PAFAH1B2: variants seen among roughly 807,000 people sequenced by gnomAD.
The protein encoded by PAFAH1B2 is platelet-activating factor acetylhydrolase IB subunit alpha2.
A neutral mutation model predicts 28.0 loss-of-function variants in PAFAH1B2; 8 were observed. That is an observed-to-expected ratio of 0.29 (90% CI 0.17 to 0.52). PAFAH1B2 has a LOEUF of 0.52. PAFAH1B2 is among the 20% of genes least tolerant of loss of function. PAFAH1B2 has a pLI of 0.97. For missense variants in PAFAH1B2, 190 were observed against 282.6 expected (o/e 0.67, Z 2.35); for synonymous variants, 104 against 103.2 (o/e 1.01, Z -0.05).
rs1371704869 is a variant in PAFAH1B2, at chr11:117,170,623, G to GT, written c.*2927dup. On this transcript the variant is annotated 3_prime_UTR_variant, in exon 6 of 6. Coordinates refer to ENST00000527958, the MANE Select transcript of PAFAH1B2 (RefSeq NM_002572.4). ...TGCCCGGCTCTTAGGAATTTTGTCTGTTTAAAAAAAAAAAAAAAAAAAAAG... is the reference window on the plus strand; with the variant it reads ...TGCCCGGCTCTTAGGAATTTTGTCTGTTTTAAAAAAAAAAAAAAAAAAAAAG... The GT allele has an allele frequency of 5.4e-6, 4 of 734,662 alleles. No homozygotes were observed. The highest frequency in any genetic ancestry group is 1.7e-4 in the East Asian group (2 of 11,838). The allele number at this position is 734,662 out of a possible 1,614,324, so 45.5% of individuals were successfully genotyped here. A position where few individuals can be genotyped will look rare whatever the true frequency, so the allele number is the denominator to read the frequency against.
Position 117,170,992 on chromosome 11 carries a change from G to A in PAFAH1B2, c.*3293G>A, listed in dbSNP as rs1413304575. 4 of 1,046,888 alleles carry A rather than the reference G, an allele frequency of 3.8e-6. No individual in the cohort carries two copies. Among genetic ancestry groups the A allele is most frequent in the South Asian group, 9.2e-5 (2 of 21,836 alleles). 64.8% of individuals were successfully genotyped at this position (1,046,888 alleles called of 1,614,324 possible). ...TTTGGCAAAGTTTCATTGACTAGTA[G>A]AACTCATTCTGTTTTAGTGTATATT... is the stretch of plus-strand genomic sequence containing the variant. On this transcript the variant is annotated 3_prime_UTR_variant, in exon 6 of 6. Coordinates refer to ENST00000527958, the MANE Select transcript of PAFAH1B2 (RefSeq NM_002572.4).
At chr11:117,163,706 G>C in intron 4 of PAFAH1B2, 64 bp from the exon 5 acceptor site, 1 of 1,393,306 alleles carries the variant, frequency 7.2e-7, no homozygotes, top group African/African-American at 1.5e-5. Context: ...TCATCTAAAT[G>C]TTGGACGTTC....
downstream of PAFAH1B2, among the ~76,000 whole-genome samples, chr11:117,172,849 G>C (rs574530613): frequency 2.0e-5 from 3 of 152,120 alleles, no homozygotes; most frequent in African/African-American, 2.4e-5. Flanking sequence ...AATTACAGGC[G>C]TGTACCACCA....
At chr11:117,172,384 ATATATATATATATATATATATTTTTTTTT>A (rs1956683341), downstream of PAFAH1B2, among the ~76,000 whole-genome samples, 13 of 1,962 alleles carry the variant, frequency 6.6e-3, no homozygotes, top group South Asian at 0.016. Flanking sequence ...ATATATATAT[ATATATATATATATATATATATTTTTTTTT>A]TTTTTTTTTT....
At position 117,163,863 on chromosome 11, in the gene PAFAH1B2, A is replaced by G; in HGVS notation, c.382A>G (p.Arg128Gly). 4 of 1,613,978 alleles carry G rather than the reference A, an allele frequency of 2.5e-6. No individual in the cohort carries two copies. Among genetic ancestry groups the G allele is most frequent in the Non-Finnish European group, 3.4e-6 (4 of 1,179,902 alleles). Residue 128 changes from arginine to glycine, a missense_variant, in exon 5 of 6, where the codon AGG becomes GGG. Physicochemically the swap from Arg to Gly is moderately radical, Grantham distance 125. Transcript: ENST00000527958. Reference sequence around the variant, plus strand: ...GGCCATTGTACAACTTATCAACACAAGGCAGCCACAGGCCAAAATCATTGT... The same window carrying G: ...GGCCATTGTACAACTTATCAACACAGGGCAGCCACAGGCCAAAATCATTGT... ...IEAIVQLINT[R>G]QPQAKIIVLG...
At chr11:117,172,387 TATATA>T, downstream of PAFAH1B2, among the ~76,000 whole-genome samples, 1 of 2,178 alleles carries the variant, frequency 4.6e-4, no homozygotes, top group Non-Finnish European at 9.5e-4. Flanking sequence ...TATATATATA[TATATA>T]TATATATATA....
At position 117,170,658 on chromosome 11, in the gene PAFAH1B2, CT is replaced by C; in HGVS notation, c.*2962del. The C allele has an allele frequency of 1.1e-6, 1 of 919,914 alleles. No individual in the cohort carries two copies. 57.0% of individuals were successfully genotyped at this position (919,914 alleles called of 1,614,324 possible). ...AAAAAAAAAAAAAAAGTCCAACTTA[CT>C]TTATTTTATTTTTTTAACCTAGTCA... On this transcript the variant is annotated 3_prime_UTR_variant, in exon 6 of 6. Coordinates refer to ENST00000527958, the MANE Select transcript of PAFAH1B2 (RefSeq NM_002572.4).
rs1956608328 is a variant in PAFAH1B2, at chr11:117,169,838, G to T, written c.*2139G>T. 1 of 1,055,196 alleles carries T rather than the reference G, an allele frequency of 9.5e-7. No individual in the cohort carries two copies. 65.4% of individuals were successfully genotyped at this position (1,055,196 alleles called of 1,614,324 possible). On this transcript the variant is annotated 3_prime_UTR_variant, in exon 6 of 6. Transcript: ENST00000527958. ...TTTCTATCCACGTCTTTTTCTGTTT[G>T]TCAGAAGGTGGGAGTATGGTCCAAA...
At chr11:117,158,541 G>A (rs993060415) in intron 2 of PAFAH1B2, among the ~76,000 whole-genome samples, 4 of 151,574 alleles carry the variant, frequency 2.6e-5, no homozygotes, top group African/African-American at 9.7e-5. Context: ...GATCATAGTT[G>A]AGAAAATGAT....
Position 117,163,167 on chromosome 11 carries a change from G to A in PAFAH1B2, c.289-603G>A, listed in dbSNP as rs572143542. ...TGATATATGATAGGAGGCATAAATCGATGCATTAAGATTTCTGCCCTGGCT... is the reference window on the plus strand; with the variant it reads ...TGATATATGATAGGAGGCATAAATCAATGCATTAAGATTTCTGCCCTGGCT... On this transcript the variant is annotated intron_variant, in intron 4 of 5. Transcript: ENST00000527958. Among the ~76,000 whole-genome samples the A allele has an allele frequency of 6.2e-5, 8 of 128,224 alleles. No individual in the cohort carries two copies. In the South Asian group the frequency reaches 1.7e-3, roughly 27 times the overall value. The allele number at this position is 128,224 out of a possible 152,430, so 84.1% of individuals were successfully genotyped here. A position where few individuals can be genotyped will look rare whatever the true frequency, so the allele number is the denominator to read the frequency against.
intron 1 of PAFAH1B2, among the ~76,000 whole-genome samples, chr11:117,147,964 T>A (rs973187216): frequency 2.6e-5 from 4 of 152,122 alleles, no homozygotes; most frequent in Admixed American, 2.6e-4. Context: ...TTGCTCAGGG[T>A]ATCAGAATGC....
At chr11:117,171,163 T>C (rs1956641830), downstream of PAFAH1B2, 1 of 686,428 alleles carries the variant, frequency 1.5e-6, no homozygotes, top group South Asian at 6.7e-5. Flanking sequence ...GCTTCTTTAC[T>C]GTGGAACTGA....
intron 1 of PAFAH1B2, among the ~76,000 whole-genome samples, chr11:117,146,550 A>G (rs183399975): frequency 7.2e-5 from 11 of 152,304 alleles, no homozygotes; most frequent in African/African-American, 2.4e-4. Context: ...AAAATTAGCC[A>G]TGTGTGGTGG....
Position 117,168,444 on chromosome 11 carries a change from CCGT to C in PAFAH1B2, c.*746_*748del. 19 of 438,190 alleles carry C rather than the reference CCGT, an allele frequency of 4.3e-5. No individual in the cohort carries two copies. Among genetic ancestry groups the C allele is most frequent in the Non-Finnish European group, 5.1e-5 (19 of 370,322 alleles). The allele number at this position is 438,190 out of a possible 1,614,324, so 27.1% of individuals were successfully genotyped here. The stretch of plus-strand genomic sequence containing the variant: ...TTTCCCCTTCATTCCCCCCGCCACC[CCGT>C]TTTTTTTTTTTTTTTTTTTTTTTTG... On this transcript the variant is annotated 3_prime_UTR_variant, in exon 6 of 6. Transcript: ENST00000527958.
Position 117,163,847 on chromosome 11 carries a change from A to G in PAFAH1B2, c.366A>G (p.Val122=), listed in dbSNP as rs753731720. 1.2e-6 allele frequency: 2 copies of G among 1,614,046 alleles called. No homozygotes were observed. The highest frequency in any genetic ancestry group is 2.2e-5 in the South Asian group (2 of 91,080). The part of the protein sequence containing the change: ...EEVAGGIEAI[V]QLINTRQPQA... Reference sequence around the variant, plus strand: ...TAGCAGGTGGGATCGAGGCCATTGTACAACTTATCAACACAAGGCAGCCAC... The same window carrying G: ...TAGCAGGTGGGATCGAGGCCATTGTGCAACTTATCAACACAAGGCAGCCAC... Residue 122 remains valine, a synonymous_variant, in exon 5 of 6, where the codon GTA becomes GTG. Transcript: ENST00000527958.
At chr11:117,174,167 TG>T (rs1956730703), downstream of PAFAH1B2, among the ~76,000 whole-genome samples, 124 of 74,486 alleles carry the variant, frequency 1.7e-3, 2 homozygotes, top group African/African-American at 1.0e-2. Context: ...ATGTCTTTTG[TG>T]TGTGTGTGTG....
At chr11:117,158,281 A>G (rs938519011) in intron 2 of PAFAH1B2, among the ~76,000 whole-genome samples, 28 of 152,214 alleles carry the variant, frequency 1.8e-4, no homozygotes, top group Middle Eastern at 3.4e-3. Flanking sequence ...GGCTCAAGCT[A>G]TCCTTCACAC....
At chr11:117,154,760 C>T (rs1266452912) in intron 2 of PAFAH1B2, among the ~76,000 whole-genome samples, 1 of 152,030 alleles carries the variant, frequency 6.6e-6, no homozygotes, top group Non-Finnish European at 1.5e-5. Context: ...ATCTTTTAAG[C>T]ATTGCATACT....
At chr11:117,149,562 G>A (rs946028034) in intron 1 of PAFAH1B2, among the ~76,000 whole-genome samples, 19 of 149,340 alleles carry the variant, frequency 1.3e-4, no homozygotes, top group African/African-American at 3.9e-4. Context: ...AAGTAGCTGG[G>A]ACTACAGGTG....
Sources: gnomAD v4.1 joint callset for allele counts (sites outside exome capture counted in the v4.1 genomes callset) on GRCh38, gnomAD v4.1.1 for gene constraint, MANE v1.5 for transcripts, NCBI Gene and HGNC (gene_info 2026-07-23, HGNC 2026-07-21) for gene names.